The following PIGB variants were observed in gnomAD, a reference collection of about 807,000 sequenced individuals.
The protein encoded by PIGB is phosphatidylinositol glycan anchor biosynthesis class B, also known as GPI alpha-1,2-mannosyltransferase 3.
Under a neutral mutation model 68.4 loss-of-function variants are expected in PIGB, and 58 were observed. The observed-to-expected ratio is 0.85, with a 90% CI of 0.69 to 1.06. The LOEUF (loss-of-function observed/expected upper bound fraction) is 1.06, where lower values mean the gene tolerates loss of function less well. PIGB is among the 50% of genes least tolerant of loss of function. PIGB has a pLI of 0.00. For missense variants in PIGB, 634 were observed against 655.8 expected (o/e 0.97, Z 0.36); for synonymous variants, 219 against 220.5 (o/e 0.99, Z 0.06).
chr15:55,347,125 G>A (rs1425921797), intron 9 of PIGB, among the ~76,000 whole-genome samples: 2 of 152,188 alleles, frequency 1.3e-5, no homozygotes, highest in Non-Finnish European at 2.9e-5. Flanking sequence ...CTTATAGGAT[G>A]CTAAACATGT....
intron 5 of PIGB, among the ~76,000 whole-genome samples, chr15:55,332,480 C>G (rs1448259335): frequency 1.3e-5 from 2 of 150,826 alleles, no homozygotes; most frequent in Non-Finnish European, 3.0e-5. Flanking sequence ...AAGTGATTCT[C>G]CTGCCTCAGC....
chr15:55,320,557 G>A (rs973563917), intron 2 of PIGB, 147 bp downstream of exon 2: 2 of 597,374 alleles, frequency 3.3e-6, no homozygotes, highest in Admixed American at 6.5e-5. Context: ...ACTGTAGACA[G>A]TACCAAACTC....
At chr15:55,326,769 G>T (rs1456059142) in intron 3 of PIGB, among the ~76,000 whole-genome samples, 1 of 152,170 alleles carries the variant, frequency 6.6e-6, no homozygotes. Flanking sequence ...CCCGGGAGGC[G>T]GAGCTTGCAG....
intron 3 of PIGB, among the ~76,000 whole-genome samples, chr15:55,323,438 CAT>C (rs2055210786): frequency 6.6e-6 from 1 of 152,048 alleles, no homozygotes. Context: ...GCCTGGGCAA[CAT>C]AGCAAAACTC....
intron 10 of PIGB, chr15:55,354,595 T>C: frequency 2.0e-6 from 1 of 512,424 alleles, no homozygotes; most frequent in Non-Finnish European, 3.4e-6. Context: ...GTTATACTGC[T>C]GCTGCTGCAT....
chr15:55,319,762 G>C (rs2055120090), intron 1 of PIGB: 1 of 207,434 alleles, frequency 4.8e-6, no homozygotes, highest in East Asian at 1.3e-4. Flanking sequence ...TTGCTCGTCT[G>C]TAAAATGGGG....
intron 4 of PIGB, 119 bp from the exon 5 acceptor site, chr15:55,329,602 ACAT>A: frequency 1.3e-6 from 1 of 778,310 alleles, no homozygotes; most frequent in Non-Finnish European, 2.0e-6. Flanking sequence ...ACTTACTTTA[ACAT>A]CATCTACCTT....
intron 9 of PIGB, 25 bp from the exon 10 acceptor site, chr15:55,350,674 G>A (rs778459032): frequency 6.8e-7 from 1 of 1,460,776 alleles, no homozygotes; most frequent in African/African-American, 1.4e-5. Context: ...CAGTGTTAAG[G>A]TTCAATATGT....
chr15:55,327,616 AG>A lies in PIGB; in HGVS notation c.505del (p.Glu169LysfsTer34). On this transcript the variant is annotated frameshift_variant, in exon 4 of 12. Transcript: ENST00000164305. LOFTEE classifies it high-confidence loss of function. ...TCATTAATGAAGCAACTAGAAAATC[AG>A]GAAGTGGCAAGATGGGTGGTAAGTC... ...LYSLMKQLEN[Q>X]EVARWVFFCQ... 6.2e-7 allele frequency: 1 copy of A among 1,607,514 alleles called. No homozygotes were observed. Among genetic ancestry groups the A allele is most frequent in the Non-Finnish European group, 8.5e-7 (1 of 1,175,290 alleles).
At position 55,333,876 on chromosome 15, in the gene PIGB, C is replaced by T; in HGVS notation, c.663C>T (p.Tyr221=). The change falls in exon 6 of 12, where the codon TAC becomes TAT. Residue 221 remains tyrosine (Y), a synonymous_variant. Coordinates refer to ENST00000164305, the MANE Select transcript of PIGB (RefSeq NM_004855.5). The part of the protein sequence containing the change: ...EGSKSMNSVK[Y]SSLVALAFII... The stretch of plus-strand genomic sequence containing the variant: ...CATTTTCCTCTTATAGTGTCAAATA[C>T]TCATCCCTGGTGGCACTTGCCTTCA... The T allele has an allele frequency of 6.3e-7, 1 of 1,599,380 alleles. No homozygotes were observed. The highest frequency in any genetic ancestry group is 8.5e-7 in the Non-Finnish European group (1 of 1,173,348).
chr15:55,326,399 A>T (rs918906306), intron 3 of PIGB, among the ~76,000 whole-genome samples: 1 of 152,160 alleles, frequency 6.6e-6, no homozygotes, highest in Non-Finnish European at 1.5e-5. Flanking sequence ...TTGGAAAATT[A>T]GTTAACCTCT....
At chr15:55,325,095 G>C (rs1457221229) in intron 3 of PIGB, among the ~76,000 whole-genome samples, 1 of 152,164 alleles carries the variant, frequency 6.6e-6, no homozygotes, top group Non-Finnish European at 1.5e-5. Context: ...GGGAGGGTGA[G>C]GGGGGTGGAT....
chr15:55,327,696 A>G (rs932593691), intron 4 of PIGB, 61 bp downstream of exon 4: 1 of 915,576 alleles, frequency 1.1e-6, no homozygotes, highest in African/African-American at 1.7e-5. Context: ...GGTATAAAGC[A>G]CATGGAAACA....
At chr15:55,325,994 C>T (rs964355240) in intron 3 of PIGB, among the ~76,000 whole-genome samples, 6 of 151,600 alleles carry the variant, frequency 4.0e-5, no homozygotes, top group Non-Finnish European at 8.8e-5. Context: ...TTCAGGAGTT[C>T]GAGACCAGCC....
At chr15:55,350,411 A>G (rs919719426) in intron 9 of PIGB, 1 of 389,342 alleles carries the variant, frequency 2.6e-6, no homozygotes, top group South Asian at 4.3e-5. Context: ...CCCAATGACC[A>G]GCAAAGTAAA....
rs757038412 is a variant in PIGB at position 55,354,906 on chromosome 15, C to T, written c.1446C>T (p.Asn482=). Residue 482 remains asparagine (N), a synonymous_variant, in exon 11 of 12, where the codon AAC becomes AAT. Coordinates refer to ENST00000164305, the MANE Select transcript of PIGB (RefSeq NM_004855.5). The part of the protein sequence containing the change: ...EADVFYLNPL[N]WLHREFHDDA... ...ATGTATTTTACCTAAATCCCTTAAA[C>T]TGGTTACATAGAGAGTTTCATGATG... The T allele has an allele frequency of 6.2e-7, 1 of 1,613,392 alleles. No individual in the cohort carries two copies. The highest frequency in any genetic ancestry group is 8.5e-7 in the Non-Finnish European group (1 of 1,179,550).
In PIGB at chr15:55,321,287, C is replaced by A; in HGVS notation, c.314C>A (p.Thr105Asn). The A allele has an allele frequency of 6.3e-7, 1 of 1,599,436 alleles. No individual in the cohort carries two copies. Among genetic ancestry groups the A allele is most frequent in the Non-Finnish European group, 8.5e-7 (1 of 1,171,670 alleles). ...AATGTTACTAATTATGGTTATTTGA[C>A]TTGGGAATGGACAGAGAGACTGAGG... ...HHMVFNYGYL[T>N]WEWTERLRSY... Residue 105 changes from threonine (T) to asparagine (N), a missense_variant, in exon 3 of 12, where the codon ACT becomes AAT. Thr to Asn is a moderately conservative substitution (Grantham distance 65, BLOSUM62 0). Coordinates refer to ENST00000164305, the MANE Select transcript of PIGB (RefSeq NM_004855.5).
intron 9 of PIGB, among the ~76,000 whole-genome samples, chr15:55,342,465 AC>A (rs1242175972): frequency 1.3e-5 from 2 of 152,182 alleles, no homozygotes; most frequent in Non-Finnish European, 2.9e-5. Context: ...ATCTTGGCTC[AC>A]TGCAACCTCC....
chr15:55,320,483 A>T lies in PIGB; in HGVS notation c.299+73A>T, dbSNP rs1258464891. ...GGAAATTGTGCTCAGTTTCTTTTAG[A>T]GTAGTCCCCCTTGCTCCCTCGTCTT... On this transcript the variant is annotated intron_variant, in intron 2 of 11. Transcript: ENST00000164305. The T allele has an allele frequency of 1.2e-5, 17 of 1,434,368 alleles. No homozygotes were observed. In the Admixed American group the frequency reaches 2.3e-4, roughly 19 times the overall value. The allele number at this position is 1,434,368 out of a possible 1,614,324, so 88.9% of individuals were successfully genotyped here. A position where few individuals can be genotyped will look rare whatever the true frequency, so the allele number is the denominator to read the frequency against.
Sources: gnomAD v4.1 joint callset for allele counts (sites outside exome capture counted in the v4.1 genomes callset) on GRCh38, gnomAD v4.1.1 for gene constraint, MANE v1.5 for transcripts, NCBI Gene and HGNC (gene_info 2026-07-23, HGNC 2026-07-21) for gene names.